FRMD6: variants seen among roughly 807,000 people sequenced by gnomAD.
FRMD6 encodes the protein FERM domain-containing protein 6.
Under a neutral mutation model 73.2 loss-of-function variants are expected in FRMD6, and 37 were observed. The observed-to-expected ratio is 0.51, with a 90% CI of 0.39 to 0.66. The LOEUF (loss-of-function observed/expected upper bound fraction) is 0.66, where lower values mean the gene tolerates loss of function less well. Ranked by LOEUF, FRMD6 falls within the 30% of genes least tolerant of loss-of-function variation. FRMD6 has a pLI of 0.00. For missense variants in FRMD6, 714 were observed against 780.5 expected (o/e 0.91, Z 1.02); for synonymous variants, 273 against 282.2 (o/e 0.97, Z 0.33).
At chr14:51,718,680 G>A (rs1305655445) in intron 10 of FRMD6, among the ~76,000 whole-genome samples, 4 of 152,180 alleles carry the variant, frequency 2.6e-5, no homozygotes, top group Non-Finnish European at 4.4e-5. Context: ...TGATATGTGC[G>A]TGGAGCTCTG....
chr14:51,670,619 T>C (rs1893935370), intron 1 of FRMD6, among the ~76,000 whole-genome samples: 1 of 151,876 alleles, frequency 6.6e-6, no homozygotes, highest in African/African-American at 2.4e-5. Context: ...TTCCTATTAA[T>C]GTACATTTTT....
chr14:51,559,905 G>A (rs950896977), intron 1 of FRMD6, among the ~76,000 whole-genome samples: 2 of 152,176 alleles, frequency 1.3e-5, no homozygotes, highest in Admixed American at 1.3e-4. Flanking sequence ...TAGGTAGAAA[G>A]AGAACTGGAT....
chr14:51,588,346 A>G (rs138199543), intron 2 of FRMD6, among the ~76,000 whole-genome samples: 23 of 152,228 alleles, frequency 1.5e-4, no homozygotes, highest in African/African-American at 5.1e-4. Flanking sequence ...ACATATGTAT[A>G]CATGTGCCAT....
intron 1 of FRMD6, among the ~76,000 whole-genome samples, chr14:51,686,113 C>G (rs1895133637): frequency 1.3e-5 from 2 of 151,958 alleles, no homozygotes; most frequent in African/African-American, 4.8e-5. Context: ...CAATATGAGA[C>G]TATATTATGT....
chr14:51,658,792 T>G (rs1260961172), intron 1 of FRMD6, among the ~76,000 whole-genome samples: 1 of 152,200 alleles, frequency 6.6e-6, no homozygotes, highest in Non-Finnish European at 1.5e-5. Flanking sequence ...ACATTTTATT[T>G]TATGTTTCCC....
intron 11 of FRMD6, chr14:51,720,619 T>C: frequency 1.8e-6 from 1 of 555,422 alleles, no homozygotes; most frequent in Non-Finnish European, 3.2e-6. Context: ...GGTTGTAGAC[T>C]CAGTCTTAGC....
At chr14:51,432,866 G>A in the FRMD6 span, among the ~76,000 whole-genome samples, 1 of 152,176 alleles carries the variant, frequency 6.6e-6, no homozygotes, top group East Asian at 1.9e-4. Flanking sequence ...TATCCTGGGA[G>A]CCAGATGTGA....
the FRMD6 span, among the ~76,000 whole-genome samples, chr14:51,408,421 A>G: frequency 6.6e-6 from 1 of 152,068 alleles, no homozygotes; most frequent in Admixed American, 6.6e-5. Flanking sequence ...AACATATACC[A>G]TAGTCTATAT....
rs546505889 is a variant in FRMD6, at chr14:51,715,964, T to C, written c.1024+465T>C. ...TGACAATAAAGGTAGGTCACAGATGTGTCTGCAGCCTCTGATTGACGGCTG... is the reference window on the plus strand; with the variant it reads ...TGACAATAAAGGTAGGTCACAGATGCGTCTGCAGCCTCTGATTGACGGCTG... On this transcript the variant is annotated intron_variant, in intron 10 of 13. Transcript: ENST00000344768. Among the ~76,000 whole-genome samples, 4 of 152,312 alleles carry C rather than the reference T, an allele frequency of 2.6e-5. No homozygotes were observed. In the South Asian group the frequency reaches 8.3e-4, roughly 32 times the overall value.
chr14:51,592,037 C>A (rs1446316986), intron 2 of FRMD6, among the ~76,000 whole-genome samples: 2 of 152,128 alleles, frequency 1.3e-5, no homozygotes, highest in African/African-American at 4.8e-5. Context: ...ATATATACTC[C>A]ATAGGAAAAA....
chr14:51,489,484 T>G (rs2140159773), intron 1 of FRMD6: 1 of 152,664 alleles, frequency 6.6e-6, no homozygotes. Flanking sequence ...AAATTTAATG[T>G]TAAATTCCTG....
the FRMD6 span, among the ~76,000 whole-genome samples, chr14:51,430,489 TG>T: frequency 1.3e-5 from 2 of 152,158 alleles, no homozygotes; most frequent in South Asian, 2.1e-4. Flanking sequence ...AAATTGGAGT[TG>T]TTTTTTTTAA....
At chr14:51,533,819 T>C (rs1169741171) in intron 1 of FRMD6, among the ~76,000 whole-genome samples, 1 of 152,200 alleles carries the variant, frequency 6.6e-6, no homozygotes, top group Admixed American at 6.5e-5. Context: ...CGTCTCTGGG[T>C]CTTGGCTGAG....
upstream of FRMD6, among the ~76,000 whole-genome samples, chr14:51,488,799 C>G (rs747706099): frequency 6.6e-6 from 1 of 152,200 alleles, no homozygotes; most frequent in African/African-American, 2.4e-5. Flanking sequence ...TCTATTTGAA[C>G]GAAGTTCGAT....
At chr14:51,586,623 G>A (rs1445495162) in intron 2 of FRMD6, among the ~76,000 whole-genome samples, 1 of 152,006 alleles carries the variant, frequency 6.6e-6, no homozygotes, top group Non-Finnish European at 1.5e-5. Context: ...ATTTGCTTTT[G>A]AGGACTTGCT....
chr14:51,441,774 T>C, the FRMD6 span, among the ~76,000 whole-genome samples: 2 of 152,204 alleles, frequency 1.3e-5, no homozygotes, highest in Non-Finnish European at 2.9e-5. Context: ...CTTAGAACTA[T>C]AGAATTTCAG....
chr14:51,711,911 A>AT (rs1457683855), intron 8 of FRMD6, among the ~76,000 whole-genome samples: 1 of 152,250 alleles, frequency 6.6e-6, no homozygotes, highest in East Asian at 1.9e-4. Flanking sequence ...TGTGTCAGTG[A>AT]TTTTAAATAT....
intron 2 of FRMD6, among the ~76,000 whole-genome samples, chr14:51,611,643 A>G (rs954668702): frequency 9.2e-5 from 14 of 152,250 alleles, no homozygotes; most frequent in African/African-American, 3.4e-4. Flanking sequence ...GGTAGGGCCC[A>G]AGAATCTGCA....
intron 1 of FRMD6, among the ~76,000 whole-genome samples, chr14:51,523,308 T>C (rs1885046833): frequency 6.6e-6 from 1 of 152,156 alleles, no homozygotes; most frequent in Non-Finnish European, 1.5e-5. Flanking sequence ...AATAAAATGT[T>C]ATGCTACCTC....
Sources: gnomAD v4.1 joint callset for allele counts (sites outside exome capture counted in the v4.1 genomes callset) on GRCh38, gnomAD v4.1.1 for gene constraint, MANE v1.5 for transcripts, NCBI Gene and HGNC (gene_info 2026-07-23, HGNC 2026-07-21) for gene names.